The following DPP10 variants were observed in gnomAD, a reference collection of about 807,000 sequenced individuals.
DPP10 encodes inactive dipeptidyl peptidase 10.
In DPP10, 33 loss-of-function variants were observed where a neutral mutation model predicts 120.9. That is an observed-to-expected ratio of 0.27 (90% CI 0.21 to 0.37). DPP10 has a LOEUF of 0.37. DPP10 is among the 10% of genes least tolerant of loss of function. The probability of loss-of-function intolerance (pLI) is 1.00; values close to 1 mark genes in which losing one functional copy is unlikely to be tolerated. For synonymous variants in DPP10, 337 were observed against 326.1 expected (o/e 1.03, Z -0.36); for missense variants, 816 against 942.8 (o/e 0.87, Z 1.76).
intron 1 of DPP10, among the ~76,000 whole-genome samples, chr2:114,711,395 G>A (rs1701020168): frequency 6.6e-6 from 1 of 152,174 alleles, no homozygotes; most frequent in South Asian, 2.1e-4. Context: ...GGAGTGGAGA[G>A]TTTGAGAAAA....
chr2:114,643,761 A>G lies in DPP10; in HGVS notation c.60+200923A>G, dbSNP rs115836550. Among the ~76,000 whole-genome samples the G allele has an allele frequency of 3.1e-3, 468 of 151,472 alleles. 3 individuals carry two copies. The highest frequency in any genetic ancestry group is 4.9e-3 in the Non-Finnish European group (333 of 67,928). ...CTTCCAGGTTCTAGTTTGTTTGTTT[A>G]TTTATTTATTGGAAGATTCATACAC... On this transcript the variant is annotated intron_variant, in intron 1 of 25. Coordinates refer to ENST00000410059, the MANE Select transcript of DPP10 (RefSeq NM_020868.6).
At chr2:115,134,685 GA>G (rs2050557312) in intron 1 of DPP10, among the ~76,000 whole-genome samples, 3 of 151,870 alleles carry the variant, frequency 2.0e-5, no homozygotes, top group Non-Finnish European at 4.4e-5. Flanking sequence ...TAGCATAATG[GA>G]TAATAAAATA....
intron 1 of DPP10, among the ~76,000 whole-genome samples, chr2:115,076,698 A>G (rs1707827595): frequency 6.6e-6 from 1 of 152,226 alleles, no homozygotes; most frequent in Admixed American, 6.5e-5. Flanking sequence ...CAAGTTCTAC[A>G]TCATATTATT....
At chr2:115,004,457 C>G (rs982174686) in intron 1 of DPP10, among the ~76,000 whole-genome samples, 1 of 152,166 alleles carries the variant, frequency 6.6e-6, no homozygotes, top group Non-Finnish European at 1.5e-5. Flanking sequence ...TCTGAGGTAC[C>G]GGGTTCATCT....
At chr2:115,254,131 C>T (rs964546065) in intron 1 of DPP10, among the ~76,000 whole-genome samples, 2 of 152,190 alleles carry the variant, frequency 1.3e-5, no homozygotes, top group Non-Finnish European at 2.9e-5. Flanking sequence ...ATACCTGAGA[C>T]TGGGTAATTT....
At chr2:115,369,584 T>C (rs1047670605) in intron 3 of DPP10, among the ~76,000 whole-genome samples, 2 of 152,132 alleles carry the variant, frequency 1.3e-5, no homozygotes, top group Admixed American at 1.3e-4. Flanking sequence ...AATGTTTGGG[T>C]GTTACGTAAT....
intron 1 of DPP10, among the ~76,000 whole-genome samples, chr2:115,276,377 AAC>A (rs2059923180): frequency 1.3e-5 from 2 of 152,156 alleles, no homozygotes; most frequent in South Asian, 2.1e-4. Context: ...ACAAGCAGAA[AAC>A]ACATTATATG....
At chr2:115,395,068 G>T (rs192730125) in intron 3 of DPP10, among the ~76,000 whole-genome samples, 12 of 152,324 alleles carry the variant, frequency 7.9e-5, no homozygotes, top group Admixed American at 5.9e-4. Context: ...TGATTTGTTT[G>T]CTAGAGCTGC....
chr2:115,003,348 C>G (rs980511409), intron 1 of DPP10, among the ~76,000 whole-genome samples: 1 of 151,872 alleles, frequency 6.6e-6, no homozygotes, highest in Non-Finnish European at 1.5e-5. Flanking sequence ...ACAAAAGAGT[C>G]TGGGGCCTAC....
chr2:115,560,677 C>G (rs2080590530), intron 5 of DPP10, among the ~76,000 whole-genome samples: 1 of 151,232 alleles, frequency 6.6e-6, no homozygotes, highest in South Asian at 2.1e-4. Context: ...TGCAGTGGCA[C>G]TATCATGGCT....
At chr2:115,467,449 CA>C (rs951539569) in intron 3 of DPP10, among the ~76,000 whole-genome samples, 11 of 151,766 alleles carry the variant, frequency 7.2e-5, no homozygotes, top group Non-Finnish European at 4.4e-5. Context: ...TGGTGGTGGG[CA>C]CTTGTAATCC....
intron 1 of DPP10, among the ~76,000 whole-genome samples, chr2:115,134,068 T>C (rs1403544285): frequency 6.6e-6 from 1 of 152,206 alleles, no homozygotes; most frequent in Non-Finnish European, 1.5e-5. Context: ...TATCATTTGG[T>C]TTGTTTTTGA....
At chr2:115,490,265 G>A (rs1477234548) in intron 3 of DPP10, among the ~76,000 whole-genome samples, 2 of 152,148 alleles carry the variant, frequency 1.3e-5, no homozygotes, top group African/African-American at 4.8e-5. Flanking sequence ...CATGGCAGAA[G>A]GTACGTCTTC....
intron 4 of DPP10, among the ~76,000 whole-genome samples, chr2:115,519,849 T>A (rs1270297830): frequency 6.6e-6 from 1 of 152,192 alleles, no homozygotes; most frequent in Non-Finnish European, 1.5e-5. Context: ...CCAGGGAATT[T>A]GGTCATTTAT....
chr2:115,493,772 G>A (rs2076250527), intron 3 of DPP10, among the ~76,000 whole-genome samples: 1 of 152,056 alleles, frequency 6.6e-6, no homozygotes, highest in Non-Finnish European at 1.5e-5. Flanking sequence ...GATGCTGGAA[G>A]TCTGAAATTT....
chr2:115,792,916 A>G (rs968804513), intron 19 of DPP10, among the ~76,000 whole-genome samples: 1 of 152,180 alleles, frequency 6.6e-6, no homozygotes, highest in African/African-American at 2.4e-5. Flanking sequence ...TTGAAGCATG[A>G]TATTTATGCA....
At chr2:114,530,421 A>G (rs1448881342) in intron 1 of DPP10, among the ~76,000 whole-genome samples, 1 of 152,220 alleles carries the variant, frequency 6.6e-6, no homozygotes, top group Admixed American at 6.5e-5. Context: ...CAGTGAAAGT[A>G]GCCTTCCATG....
At chr2:115,266,197 TGAAAC>T (rs1368421812) in intron 1 of DPP10, among the ~76,000 whole-genome samples, 7 of 152,146 alleles carry the variant, frequency 4.6e-5, no homozygotes, top group African/African-American at 1.7e-4. Context: ...GAGATAAACA[TGAAAC>T]GAAGGATTGA....
chr2:114,716,617 T>G (rs1701364711), intron 1 of DPP10, among the ~76,000 whole-genome samples: 1 of 152,204 alleles, frequency 6.6e-6, no homozygotes, highest in Admixed American at 6.5e-5. Context: ...AAGCAACATC[T>G]TGCTGTATAC....
Sources: allele counts gnomAD v4.1 joint callset (sites outside exome capture counted in the v4.1 genomes callset), GRCh38; gene constraint gnomAD v4.1.1; transcripts MANE v1.5; gene names NCBI Gene and HGNC (gene_info 2026-07-23, HGNC 2026-07-21).